PADI2: variants seen among roughly 807,000 people sequenced by gnomAD.
PADI2 encodes the protein peptidyl arginine deiminase 2.
A neutral mutation model predicts 81.1 loss-of-function variants in PADI2; 70 were observed. The observed-to-expected ratio is 0.86, with a 90% CI of 0.71 to 1.05. The LOEUF (loss-of-function observed/expected upper bound fraction) is 1.05, where lower values mean the gene tolerates loss of function less well. Among genes scored for constraint, PADI2 ranks in the 50% least tolerant of loss-of-function variants. PADI2 has a pLI of 0.00. For synonymous variants in PADI2, 338 were observed against 358.0 expected, an observed-to-expected ratio of 0.94 and a Z score of 0.63; for missense variants, 853 against 889.9, an observed-to-expected ratio of 0.96 and a Z score of 0.53.
At chr1:17,101,926 T>C (rs540543201) in intron 3 of PADI2, among the ~76,000 whole-genome samples, 1 of 152,282 alleles carries the variant, frequency 6.6e-6, no homozygotes, top group South Asian at 2.1e-4. Context: ...GAGATTGAAA[T>C]CGTGACGGTA....
intron 2 of PADI2, among the ~76,000 whole-genome samples, chr1:17,104,117 C>T (rs1353514249): frequency 8.4e-6 from 1 of 118,856 alleles, no homozygotes; most frequent in East Asian, 2.7e-4. Context: ...CCCATCTCTA[C>T]TAAAAATACA....
intron 12 of PADI2, 99 bp downstream of exon 12, chr1:17,075,580 C>A: frequency 9.1e-7 from 1 of 1,097,846 alleles, no homozygotes; most frequent in Non-Finnish European, 1.3e-6. Flanking sequence ...TTCCTTTATG[C>A]TGTCGAGTTC....
At chr1:17,109,545 C>A (rs1223337710) in intron 1 of PADI2, among the ~76,000 whole-genome samples, 1 of 151,378 alleles carries the variant, frequency 6.6e-6, no homozygotes, top group Non-Finnish European at 1.5e-5. Flanking sequence ...GGCTGGAGTG[C>A]AGTGGTGCTA....
intron 1 of PADI2, among the ~76,000 whole-genome samples, chr1:17,117,578 C>G (rs1931800730): frequency 6.6e-6 from 1 of 152,108 alleles, no homozygotes; most frequent in Non-Finnish European, 1.5e-5. Context: ...CACTGCTGCC[C>G]CCTGCTAGAG....
intron 6 of PADI2, among the ~76,000 whole-genome samples, chr1:17,087,515 T>TA (rs58728057): frequency 2.7e-5 from 4 of 150,038 alleles, no homozygotes; most frequent in South Asian, 2.1e-4. Context: ...TTTATTTATT[T>TA]TTTGAGACAG....
rs549324515 is a variant in PADI2, at chr1:17,068,957, C to T, written c.*87G>A. On this transcript the variant is annotated 3_prime_UTR_variant, in exon 16 of 16. Coordinates refer to ENST00000375486, the MANE Select transcript of PADI2 (RefSeq NM_007365.3). ...CCAAAGGTCTCCCAGCGGGGCTGTC[C>T]AGTCCATGTCAGCAGAAGGCTCTGG... 1.9e-5 allele frequency: 20 copies of T among 1,047,882 alleles called. No individual in the cohort carries two copies. The highest frequency in any genetic ancestry group is 1.4e-4 in the African/African-American group (9 of 64,090). 64.9% of individuals were successfully genotyped at this position (1,047,882 alleles called of 1,614,324 possible). A position where few individuals can be genotyped will look rare whatever the true frequency, so the allele number is the denominator to read the frequency against.
At chr1:17,081,079 C>CTGA (rs2078340396) in intron 10 of PADI2, among the ~76,000 whole-genome samples, 1 of 152,222 alleles carries the variant, frequency 6.6e-6, no homozygotes, top group Admixed American at 6.5e-5. Flanking sequence ...GCCTTGGAAC[C>CTGA]AGGCCAGCCT....
intron 6 of PADI2, among the ~76,000 whole-genome samples, chr1:17,089,563 G>A (rs553601500): frequency 9.9e-5 from 15 of 152,284 alleles, no homozygotes; most frequent in African/African-American, 2.6e-4. Context: ...TCCGTCTGCC[G>A]GCAGCTTTCT....
chr1:17,086,588 CAG>C lies in PADI2; in HGVS notation c.765_766del (p.Cys256PhefsTer61). ...GCCTGAGAAGCCCTCGTCGGGGAAA[CAG>C]AGGCCTTCCACGAAGAACAGCAGCT... is the stretch of plus-strand genomic sequence containing the variant. On this transcript the variant is annotated frameshift_variant, in exon 7 of 16. Transcript: ENST00000375486. LOFTEE classifies it high-confidence loss of function. 1.2e-6 allele frequency: 2 copies of C among 1,614,102 alleles called. No homozygotes were observed. Among genetic ancestry groups the C allele is most frequent in the South Asian group, 1.1e-5 (1 of 91,086 alleles).
At chr1:17,090,583 G>GTGTGTGTA (rs1357086843) in intron 6 of PADI2, among the ~76,000 whole-genome samples, 1 of 61,714 alleles carries the variant, frequency 1.6e-5, no homozygotes, top group Non-Finnish European at 3.2e-5. Flanking sequence ...TCCTTTGCTT[G>GTGTGTGTA]TGTGTGTGTG....
intron 2 of PADI2, among the ~76,000 whole-genome samples, chr1:17,104,081 C>G (rs574642664): frequency 1.7e-3 from 250 of 149,402 alleles, no homozygotes; most frequent in African/African-American, 5.6e-3. Flanking sequence ...AGGAGATCGA[C>G]AGCATCCTGG....
intron 3 of PADI2, among the ~76,000 whole-genome samples, chr1:17,099,461 C>T (rs1931062951): frequency 6.6e-6 from 1 of 152,168 alleles, no homozygotes; most frequent in Admixed American, 6.5e-5. Flanking sequence ...TCAACCCTAA[C>T]CAGGGTCTTG....
intron 6 of PADI2, among the ~76,000 whole-genome samples, chr1:17,089,657 C>T (rs1570989702): frequency 6.6e-6 from 1 of 152,162 alleles, no homozygotes; most frequent in Admixed American, 6.5e-5. Flanking sequence ...CAGCTCCGGG[C>T]GGACTGATTT....
At chr1:17,088,909 A>AC in intron 6 of PADI2, among the ~76,000 whole-genome samples, 1 of 121,826 alleles carries the variant, frequency 8.2e-6, no homozygotes, top group African/African-American at 2.8e-5. Flanking sequence ...TCCATCTCAA[A>AC]AAAAAAAAAA....
At chr1:17,092,383 G>T (rs1553182664) in intron 6 of PADI2, 25 bp downstream of exon 6, 4 of 1,581,014 alleles carry the variant, frequency 2.5e-6, no homozygotes, top group Non-Finnish European at 3.4e-6. Context: ...AAAGGTCTAG[G>T]CTGGACTGGG....
chr1:17,114,142 A>C (rs555896970), intron 1 of PADI2, among the ~76,000 whole-genome samples: 6 of 152,318 alleles, frequency 3.9e-5, no homozygotes, highest in Non-Finnish European at 7.3e-5. Context: ...CTCAGGAGCA[A>C]GCGCTGCTCG....
chr1:17,098,100 G>A (rs1465003550), intron 3 of PADI2, among the ~76,000 whole-genome samples: 1 of 152,116 alleles, frequency 6.6e-6, no homozygotes, highest in Non-Finnish European at 1.5e-5. Flanking sequence ...GACCACCGAA[G>A]TTCCCAGAAC....
intron 8 of PADI2, 75 bp downstream of exon 8, chr1:17,084,524 C>T (rs2078370682): frequency 1.2e-6 from 1 of 852,260 alleles, no homozygotes; most frequent in Non-Finnish European, 1.9e-6. Context: ...GGGCCAGGAA[C>T]TAGACTCATG....
chr1:17,117,298 T>A (rs12130579), intron 1 of PADI2, among the ~76,000 whole-genome samples: 9,552 of 152,298 alleles, frequency 0.063, 394 homozygotes, highest in Middle Eastern at 0.12. Flanking sequence ...ATAATTTTTA[T>A]ATTGATTGCA....
Sources: gnomAD v4.1 joint callset for allele counts (sites outside exome capture counted in the v4.1 genomes callset) on GRCh38, gnomAD v4.1.1 for gene constraint, MANE v1.5 for transcripts, NCBI Gene and HGNC (gene_info 2026-07-23, HGNC 2026-07-21) for gene names.